The following SMG9 variants were observed in gnomAD, a reference collection of about 807,000 sequenced individuals.
The protein encoded by SMG9 is SMG9 nonsense mediated mRNA decay factor.
Under a neutral mutation model 64.0 loss-of-function variants are expected in SMG9, and 55 were observed. The ratio of observed to expected loss-of-function variants is 0.86; its 90% CI spans 0.69 to 1.08. The LOEUF is 1.08. SMG9 is among the 50% of genes least tolerant of loss of function. The pLI, the probability that SMG9 is intolerant of heterozygous loss-of-function variation, is 0.00. For synonymous variants in SMG9, 244 were observed against 254.8 expected (o/e 0.96, Z 0.41); for missense variants, 554 against 681.3 (o/e 0.81, Z 2.08).
intron 7 of SMG9, among the ~76,000 whole-genome samples, chr19:43,738,963 CCA>C (rs1335629806): frequency 6.6e-6 from 1 of 152,228 alleles, no homozygotes; most frequent in African/African-American, 2.4e-5. Context: ...GTCATCAATG[CCA>C]CAGTGACCAG....
intron 6 of SMG9, among the ~76,000 whole-genome samples, chr19:43,742,752 G>A (rs1968881514): frequency 6.6e-6 from 1 of 152,126 alleles, no homozygotes; most frequent in South Asian, 2.1e-4. Context: ...CTTGGACTAA[G>A]GAGGTGGGAG....
At chr19:43,749,501 C>G (rs1324201683) in intron 2 of SMG9, among the ~76,000 whole-genome samples, 1 of 152,160 alleles carries the variant, frequency 6.6e-6, no homozygotes, top group Non-Finnish European at 1.5e-5. Context: ...CCCAGGAGGG[C>G]ATTATGTGGA....
At chr19:43,744,168 G>A (rs1203577822) in intron 6 of SMG9, among the ~76,000 whole-genome samples, 1 of 152,068 alleles carries the variant, frequency 6.6e-6, no homozygotes, top group Admixed American at 6.5e-5. Context: ...ATGTTGTTCA[G>A]GCCAGAGAAT....
intron 10 of SMG9, 58 bp from the exon 11 acceptor site, chr19:43,733,791 C>T: frequency 8.0e-7 from 1 of 1,242,902 alleles, no homozygotes. Flanking sequence ...TCATGGACTC[C>T]CCTTTCTCAC....
chr19:43,748,411 G>A (rs1413516687), intron 2 of SMG9, among the ~76,000 whole-genome samples: 1 of 152,212 alleles, frequency 6.6e-6, no homozygotes. Context: ...ACTTGAATAA[G>A]GAACCACCCT....
At chr19:43,748,623 T>C in intron 2 of SMG9, 1 of 519,360 alleles carries the variant, frequency 1.9e-6, no homozygotes, top group Non-Finnish European at 3.9e-6. Flanking sequence ...CCTCCTGCTC[T>C]GGCAAAGCTG....
At chr19:43,751,690 T>C (rs1456484505) in intron 1 of SMG9, among the ~76,000 whole-genome samples, 1 of 152,234 alleles carries the variant, frequency 6.6e-6, no homozygotes, top group Non-Finnish European at 1.5e-5. Context: ...CTCTGGCACA[T>C]GCCTTCTGCC....
chr19:43,739,189 T>C (rs2146375772), intron 7 of SMG9, among the ~76,000 whole-genome samples: 1 of 152,148 alleles, frequency 6.6e-6, no homozygotes, highest in East Asian at 1.9e-4. Flanking sequence ...AGTGGAGTCT[T>C]GAGGAAGAAG....
chr19:43,737,700 G>C lies in SMG9; in HGVS notation c.910-18C>G. 6.2e-7 allele frequency: 1 copy of C among 1,612,766 alleles called. No homozygotes were observed. Among genetic ancestry groups the C allele is most frequent in the Non-Finnish European group, 8.5e-7 (1 of 1,179,154 alleles). ...TGGAGTGACTGAGGGTGGGCAGGAT[G>C]GAAGGGAGGTGAGGACCTCTTCTGC... is the stretch of plus-strand genomic sequence containing the variant. On this transcript the variant is annotated intron_variant, in intron 8 of 13. Coordinates refer to ENST00000270066, the MANE Select transcript of SMG9 (RefSeq NM_019108.4).
intron 7 of SMG9, among the ~76,000 whole-genome samples, chr19:43,739,322 A>G (rs772450419): frequency 6.6e-6 from 1 of 152,224 alleles, no homozygotes; most frequent in Non-Finnish European, 1.5e-5. Context: ...ACTTGCATCG[A>G]TGCACTGAAA....
intron 2 of SMG9, chr19:43,748,944 A>G (rs1423914075): frequency 9.1e-6 from 4 of 438,104 alleles, no homozygotes; most frequent in Non-Finnish European, 1.8e-5. Flanking sequence ...AGGAAGGGGG[A>G]GATGATACAG....
intron 1 of SMG9, among the ~76,000 whole-genome samples, chr19:43,752,963 TG>T (rs879437848): frequency 3.4e-5 from 5 of 147,734 alleles, no homozygotes; most frequent in Non-Finnish European, 7.4e-5. Context: ...TTGCTTAGCT[TG>T]GAAGTATCTG....
intron 1 of SMG9, among the ~76,000 whole-genome samples, chr19:43,752,344 G>A (rs947275117): frequency 2.0e-5 from 3 of 152,196 alleles, no homozygotes; most frequent in Admixed American, 6.5e-5. Flanking sequence ...ATCAGTCTAG[G>A]GTGGTATTTG....
At chr19:43,736,076 A>C (rs1172257809) in intron 9 of SMG9, among the ~76,000 whole-genome samples, 1 of 152,204 alleles carries the variant, frequency 6.6e-6, no homozygotes, top group Non-Finnish European at 1.5e-5. Context: ...TGGTCAGAAC[A>C]ACCAACTCCC....
At chr19:43,747,311 T>C in intron 5 of SMG9, 131 bp downstream of exon 5, 1 of 802,644 alleles carries the variant, frequency 1.2e-6, no homozygotes, top group Non-Finnish European at 2.0e-6. Context: ...GGTGAGAATG[T>C]TCTGATACCA....
In SMG9 at chr19:43,738,178, T is replaced by G. The variant is rs774914102; in HGVS notation, c.853A>C (p.Asn285His). ...SPSILDHLIN[N>H]DRKLPPEYNL... Reference sequence around the variant, plus strand: ...TACTCTGGAGGCAGTTTGCGGTCATTATTGATGAGATGGTCTAGGATAGAA... The same window carrying G: ...TACTCTGGAGGCAGTTTGCGGTCATGATTGATGAGATGGTCTAGGATAGAA... Residue 285 changes from asparagine to histidine, a missense_variant, in exon 8 of 14, where the codon AAT becomes CAT. Transcript: ENST00000270066. The G allele has an allele frequency of 6.2e-7, 1 of 1,614,000 alleles. No individual in the cohort carries two copies. Among genetic ancestry groups the G allele is most frequent in the South Asian group, 1.1e-5 (1 of 91,076 alleles).
At position 43,731,248 on chromosome 19, in the gene SMG9, G is replaced by A; in HGVS notation, c.*348C>T. 1 of 1,098,698 alleles carries A rather than the reference G, an allele frequency of 9.1e-7. No homozygotes were observed. The highest frequency in any genetic ancestry group is 1.1e-6 in the Non-Finnish European group (1 of 899,384). 68.1% of individuals were successfully genotyped at this position (1,098,698 alleles called of 1,614,324 possible). A position where few individuals can be genotyped will look rare whatever the true frequency, so the allele number is the denominator to read the frequency against. ...TTACAGGGAAGGGCTTAGAGTCAGG[G>A]AAGAGGGGCCTGTTGCTCCTGTCCC... On this transcript the variant is annotated 3_prime_UTR_variant, in exon 14 of 14. Transcript: ENST00000270066.
At chr19:43,746,021 C>A (rs575776446) in intron 5 of SMG9, among the ~76,000 whole-genome samples, 4 of 149,656 alleles carry the variant, frequency 2.7e-5, no homozygotes, top group Middle Eastern at 3.5e-3. Context: ...AAAAAAAAAA[C>A]AACTATCTGC....
chr19:43,744,911 G>A (rs533449784), intron 5 of SMG9, 27 bp from the exon 6 acceptor site: 2 of 1,573,870 alleles, frequency 1.3e-6, no homozygotes, highest in South Asian at 1.1e-5. Flanking sequence ...AAATGACTCT[G>A]ACAAGTCTGT....
Sources: gnomAD v4.1 joint callset for allele counts (sites outside exome capture counted in the v4.1 genomes callset) on GRCh38, gnomAD v4.1.1 for gene constraint, MANE v1.5 for transcripts, NCBI Gene and HGNC (gene_info 2026-07-23, HGNC 2026-07-21) for gene names.